Variants in RPS6KA2 observed in about 807,000 individuals in gnomAD.
The protein encoded by RPS6KA2 is ribosomal protein S6 kinase alpha-2.
Under a neutral mutation model 91.8 loss-of-function variants are expected in RPS6KA2, and 42 were observed. That is an observed-to-expected ratio of 0.46 (90% CI 0.36 to 0.59). RPS6KA2 has a LOEUF of 0.59. RPS6KA2 is among the 20% of genes least tolerant of loss of function. RPS6KA2 has a pLI of 0.00. For synonymous variants in RPS6KA2, 414 were observed against 393.6 expected (o/e 1.05, Z -0.61); for missense variants, 798 against 978.5 (o/e 0.82, Z 2.46).
chr6:166,683,513 C>T (rs139822456), intron 2 of RPS6KA2, among the ~76,000 whole-genome samples: 124 of 152,284 alleles, frequency 8.1e-4, no homozygotes, highest in African/African-American at 2.7e-3. Flanking sequence ...TTATTAGTTA[C>T]TTGTGTGGCC....
chr6:166,421,346 T>C (rs1004839393), intron 17 of RPS6KA2, among the ~76,000 whole-genome samples: 1 of 152,192 alleles, frequency 6.6e-6, no homozygotes, highest in Admixed American at 6.5e-5. Flanking sequence ...CCCCAAAATA[T>C]GCTGCATAGG....
Position 166,797,592 on chromosome 6 carries a change from A to G in RPS6KA2, c.123+60608T>C, listed in dbSNP as rs74818554. Among the ~76,000 whole-genome samples, 16 of 152,324 alleles carry G rather than the reference A, an allele frequency of 1.1e-4. No individual in the cohort carries two copies. The East Asian group carries it at 2.9e-3, about 28-fold the overall frequency. Reference sequence around the variant, plus strand: ...ATAAGGAAGAGAAGATGTATGTACCATCCATTAAGTGGAAATGGATCCTCA... The same window carrying G: ...ATAAGGAAGAGAAGATGTATGTACCGTCCATTAAGTGGAAATGGATCCTCA... On this transcript the variant is annotated intron_variant, in intron 2 of 21. Coordinates refer to the RPS6KA2 transcript ENST00000503859.
chr6:166,618,046 C>T (rs889702149), intron 1 of RPS6KA2, among the ~76,000 whole-genome samples: 2 of 152,242 alleles, frequency 1.3e-5, no homozygotes, highest in African/African-American at 4.8e-5. Flanking sequence ...TCTGCAGACT[C>T]GGAGCCTGGC....
At chr6:166,830,602 G>A (rs1583162600) in intron 2 of RPS6KA2, among the ~76,000 whole-genome samples, 1 of 152,202 alleles carries the variant, frequency 6.6e-6, no homozygotes, top group East Asian at 1.9e-4. Flanking sequence ...AATGACACAT[G>A]CAGAGTTCAT....
At chr6:166,487,677 T>C (rs778695203) in intron 10 of RPS6KA2, among the ~76,000 whole-genome samples, 1 of 152,244 alleles carries the variant, frequency 6.6e-6, no homozygotes. Context: ...AGAAGTTGGA[T>C]GTAAATGTGT....
intron 2 of RPS6KA2, among the ~76,000 whole-genome samples, chr6:166,761,789 G>T (rs1474569101): frequency 6.6e-6 from 1 of 152,232 alleles, no homozygotes; most frequent in African/African-American, 2.4e-5. Context: ...CGGGGAGATA[G>T]GAAGGTGGGA....
At chr6:166,689,660 A>T (rs1036142023) in intron 2 of RPS6KA2, among the ~76,000 whole-genome samples, 1 of 152,168 alleles carries the variant, frequency 6.6e-6, no homozygotes, top group African/African-American at 2.4e-5. Context: ...TGGGAGACTG[A>T]GTGCAGGCAT....
chr6:166,748,524 C>T (rs1054344978), intron 2 of RPS6KA2, among the ~76,000 whole-genome samples: 3 of 151,448 alleles, frequency 2.0e-5, no homozygotes, highest in Non-Finnish European at 3.0e-5. Flanking sequence ...ATGGGGGCCC[C>T]ACCTCCTCGG....
At chr6:166,676,317 CA>C (rs34321063) in intron 2 of RPS6KA2, among the ~76,000 whole-genome samples, 34,644 of 127,258 alleles carry the variant, frequency 0.27, 4,644 homozygotes, top group African/African-American at 0.42. Flanking sequence ...GACTCTGTCT[CA>C]AAAAAAAAAA....
At chr6:166,536,858 T>C (rs1242634792) in intron 2 of RPS6KA2, among the ~76,000 whole-genome samples, 1 of 152,228 alleles carries the variant, frequency 6.6e-6, no homozygotes, top group Non-Finnish European at 1.5e-5. Context: ...TTAGAAGTGG[T>C]GAAAGGCTGG....
chr6:166,451,940 A>G (rs1478035991), intron 12 of RPS6KA2, among the ~76,000 whole-genome samples: 1 of 152,248 alleles, frequency 6.6e-6, no homozygotes, highest in Non-Finnish European at 1.5e-5. Context: ...TGCATCATAC[A>G]TAACAGATGA....
chr6:166,425,037 G>A (rs958371084), intron 16 of RPS6KA2, among the ~76,000 whole-genome samples: 6 of 151,916 alleles, frequency 3.9e-5, no homozygotes, highest in South Asian at 2.1e-4. Context: ...ATGGGTAAAG[G>A]TGTCCCTCCT....
At position 166,550,723 on chromosome 6, in the gene RPS6KA2, T is replaced by C. The variant is rs1041631180; in HGVS notation, c.100-11939A>G. Reference sequence around the variant, plus strand: ...AACTTGTTTTAAAGTGAAATTAGGGTTGGGCGCGATGGCTCACGCCTGTAA... The same window carrying C: ...AACTTGTTTTAAAGTGAAATTAGGGCTGGGCGCGATGGCTCACGCCTGTAA... On this transcript the variant is annotated intron_variant, in intron 1 of 20. Coordinates refer to ENST00000265678, the MANE Select transcript of RPS6KA2 (RefSeq NM_021135.6). 2.6e-4 allele frequency among the ~76,000 whole-genome samples: 40 copies of C among 152,164 alleles called. 2 individuals are homozygous for C. Among genetic ancestry groups the C allele is most frequent in the East Asian group, 3.9e-4 (2 of 5,170 alleles).
Position 166,790,887 on chromosome 6 carries a change from C to A in RPS6KA2, c.123+67313G>T, listed in dbSNP as rs991678571. 1.1e-4 allele frequency among the ~76,000 whole-genome samples: 17 copies of A among 152,136 alleles called. No homozygotes were observed. The East Asian group carries it at 1.5e-3, about 14-fold the overall frequency. On this transcript the variant is annotated intron_variant, in intron 2 of 21. Coordinates refer to the RPS6KA2 transcript ENST00000503859. ...AGCACTAAACATGGAAAGGAACAAC[C>A]GGTACCAGCCACTGCAAAAACATGC...
chr6:166,780,852 G>T (rs1278358445), intron 2 of RPS6KA2, among the ~76,000 whole-genome samples: 1 of 152,186 alleles, frequency 6.6e-6, no homozygotes. Context: ...ATGTGGACAA[G>T]ACCTTTTAAA....
At chr6:166,688,925 C>T (rs947380785) in intron 2 of RPS6KA2, among the ~76,000 whole-genome samples, 4 of 152,226 alleles carry the variant, frequency 2.6e-5, no homozygotes, top group African/African-American at 9.6e-5. Flanking sequence ...TTAGAATGCC[C>T]TCACCATGCA....
intron 14 of RPS6KA2, chr6:166,439,965 T>G (rs1440149560): frequency 6.6e-6 from 1 of 152,288 alleles, no homozygotes; most frequent in Non-Finnish European, 1.5e-5. Context: ...GTCAGACTTC[T>G]GTCGGGCACC....
intron 10 of RPS6KA2, among the ~76,000 whole-genome samples, chr6:166,474,089 G>C (rs1728595532): frequency 6.6e-6 from 1 of 152,076 alleles, no homozygotes; most frequent in South Asian, 2.1e-4. Context: ...GTGGGAGTCA[G>C]ATCTGCAGAC....
chr6:166,580,766 G>A (rs75645391), intron 1 of RPS6KA2, among the ~76,000 whole-genome samples: 231 of 152,156 alleles, frequency 1.5e-3, no homozygotes, highest in African/African-American at 5.4e-3. Flanking sequence ...AACCAGACCC[G>A]ATTGGACACG....
Sources: allele counts gnomAD v4.1 joint callset (sites outside exome capture counted in the v4.1 genomes callset), GRCh38; gene constraint gnomAD v4.1.1; transcripts MANE v1.5; gene names NCBI Gene and HGNC (gene_info 2026-07-23, HGNC 2026-07-21).